The following CDH13 variants were observed in gnomAD, a reference collection of about 807,000 sequenced individuals.
CDH13 encodes the protein cadherin-13.
CDH13 carries 24 observed loss-of-function variants against 63.8 expected under a neutral mutation model. The ratio of observed to expected loss-of-function variants is 0.38; its 90% CI spans 0.27 to 0.53. The LOEUF is 0.53. Among genes scored for constraint, CDH13 ranks in the 20% least tolerant of loss-of-function variants. The probability of loss-of-function intolerance (pLI) is 0.85; values close to 1 mark genes in which losing one functional copy is unlikely to be tolerated. For synonymous variants in CDH13, 503 were observed against 355.3 expected (o/e 1.42, Z -4.67); for missense variants, 1,049 against 903.1 (o/e 1.16, Z -2.07).
intron 7 of CDH13, among the ~76,000 whole-genome samples, chr16:83,531,010 T>C (rs1223749400): frequency 6.6e-6 from 1 of 152,228 alleles, no homozygotes; most frequent in South Asian, 2.1e-4. Context: ...AAAGGGGGAA[T>C]GCTGGCAGTG....
chr16:82,833,716 C>G (rs943360223), intron 1 of CDH13, among the ~76,000 whole-genome samples: 1 of 152,136 alleles, frequency 6.6e-6, no homozygotes, highest in African/African-American at 2.4e-5. Context: ...GCCTCCTTGT[C>G]TGGAATTCTC....
intron 4 of CDH13, among the ~76,000 whole-genome samples, chr16:83,142,675 C>G (rs945612792): frequency 4.6e-5 from 7 of 152,186 alleles, no homozygotes; most frequent in African/African-American, 1.4e-4. Flanking sequence ...ATAGCAGAAT[C>G]TCAGTTTTTC....
At chr16:82,963,466 G>A (rs779963245) in intron 2 of CDH13, among the ~76,000 whole-genome samples, 1 of 152,030 alleles carries the variant, frequency 6.6e-6, no homozygotes, top group Non-Finnish European at 1.5e-5. Flanking sequence ...TGTCCCCTAC[G>A]TCCTATGGTT....
intron 6 of CDH13, among the ~76,000 whole-genome samples, chr16:83,421,251 C>T (rs1315848594): frequency 6.6e-6 from 1 of 152,032 alleles, no homozygotes; most frequent in African/African-American, 2.4e-5. Flanking sequence ...GAATAAATAT[C>T]CAGAAGAGGG....
chr16:83,761,841 T>C (rs182104598), intron 11 of CDH13, among the ~76,000 whole-genome samples: 451 of 152,206 alleles, frequency 3.0e-3, no homozygotes, highest in African/African-American at 0.01. Context: ...CTGAGGCAGG[T>C]GGGTCACTTA....
At chr16:83,040,674 T>A (rs1917254341) in intron 3 of CDH13, among the ~76,000 whole-genome samples, 2 of 152,170 alleles carry the variant, frequency 1.3e-5, no homozygotes, top group South Asian at 2.1e-4. Flanking sequence ...CTGACTCACA[T>A]GTTAATATCC....
At chr16:82,815,994 A>G (rs1030454321) in intron 1 of CDH13, among the ~76,000 whole-genome samples, 17 of 152,172 alleles carry the variant, frequency 1.1e-4, no homozygotes, top group African/African-American at 3.9e-4. Flanking sequence ...TGTATTACCA[A>G]GTATGTGACA....
chr16:83,091,502 G>A (rs866930595), intron 3 of CDH13, among the ~76,000 whole-genome samples: 38 of 152,144 alleles, frequency 2.5e-4, no homozygotes, highest in African/African-American at 8.9e-4. Flanking sequence ...ATTAATTTCA[G>A]TTCCTTACAA....
chr16:82,662,255 C>T (rs58916451), intron 1 of CDH13, among the ~76,000 whole-genome samples: 3,161 of 152,306 alleles, frequency 0.021, 97 homozygotes, highest in African/African-American at 0.071. Context: ...CAGGCACATA[C>T]TTTTTGGATA....
chr16:82,986,448 C>T (rs1231062784), intron 2 of CDH13, among the ~76,000 whole-genome samples: 1 of 152,230 alleles, frequency 6.6e-6, no homozygotes, highest in African/African-American at 2.4e-5. Context: ...CCATTTCTCT[C>T]AGATTTCTTA....
intron 5 of CDH13, among the ~76,000 whole-genome samples, chr16:83,284,699 A>G (rs2089265554): frequency 6.6e-6 from 1 of 152,112 alleles, no homozygotes; most frequent in Non-Finnish European, 1.5e-5. Context: ...TATAGTAAAT[A>G]TAAGTATAGT....
At chr16:83,608,710 G>A (rs1446314246) in intron 8 of CDH13, among the ~76,000 whole-genome samples, 1 of 137,142 alleles carries the variant, frequency 7.3e-6, no homozygotes, top group African/African-American at 2.8e-5. Flanking sequence ...GTTCTGCCAT[G>A]TTCCTCGGGC....
chr16:83,161,691 A>C (rs986958656), intron 4 of CDH13, among the ~76,000 whole-genome samples: 27 of 152,144 alleles, frequency 1.8e-4, no homozygotes, highest in Admixed American at 9.2e-4. Flanking sequence ...AGAATCACCC[A>C]CCATGGTTCT....
chr16:82,784,211 G>T (rs2035897112), intron 1 of CDH13, among the ~76,000 whole-genome samples: 1 of 152,180 alleles, frequency 6.6e-6, no homozygotes, highest in African/African-American at 2.4e-5. Context: ...AGAAACTCAG[G>T]CTGATGGGTG....
intron 8 of CDH13, among the ~76,000 whole-genome samples, chr16:83,668,394 C>T (rs771417214): frequency 9.9e-5 from 15 of 152,248 alleles, no homozygotes; most frequent in Non-Finnish European, 1.9e-4. Context: ...CAATGACACT[C>T]ATCTGCTTTG....
intron 5 of CDH13, among the ~76,000 whole-genome samples, chr16:83,262,865 C>T (rs1428336331): frequency 6.6e-6 from 1 of 152,010 alleles, no homozygotes; most frequent in Non-Finnish European, 1.5e-5. Context: ...TTTGGACCAC[C>T]AATTGAGTAA....
At chr16:83,041,158 A>G (rs1195281780) in intron 3 of CDH13, among the ~76,000 whole-genome samples, 2 of 152,222 alleles carry the variant, frequency 1.3e-5, no homozygotes, top group Non-Finnish European at 2.9e-5. Flanking sequence ...GCCTCAATAA[A>G]GGGAAACTGG....
At chr16:82,968,018 C>T (rs1051350396) in intron 2 of CDH13, among the ~76,000 whole-genome samples, 9 of 152,108 alleles carry the variant, frequency 5.9e-5, no homozygotes, top group African/African-American at 2.2e-4. Context: ...TACCAAATGG[C>T]GATTCTCTAA....
Position 83,272,797 on chromosome 16 carries a change from A to G in CDH13, c.636+55300A>G, listed in dbSNP as rs79757923. Among the ~76,000 whole-genome samples, 126 of 152,310 alleles carry G rather than the reference A, an allele frequency of 8.3e-4. 2 individuals are homozygous for G. The South Asian group carries it at 0.024, about 30-fold the overall frequency. On this transcript the variant is annotated intron_variant, in intron 5 of 13. Coordinates refer to ENST00000567109, the MANE Select transcript of CDH13 (RefSeq NM_001257.5). ...AGCTGTGGCAGAGTCAACGTGGGAA[A>G]TGTGGTCTGTTGAGTGGTCCTAGGA...
Sources: gnomAD v4.1 joint callset for allele counts (sites outside exome capture counted in the v4.1 genomes callset) on GRCh38, gnomAD v4.1.1 for gene constraint, MANE v1.5 for transcripts, NCBI Gene and HGNC (gene_info 2026-07-23, HGNC 2026-07-21) for gene names.